The following ARMH4 variants were observed in gnomAD, a reference collection of about 807,000 sequenced individuals.
ARMH4 encodes the protein armadillo like helical domain containing 4.
A neutral mutation model predicts 61.9 loss-of-function variants in ARMH4; 49 were observed. The ratio of observed to expected loss-of-function variants is 0.79; its 90% CI spans 0.63 to 1.00. The LOEUF is 1.00. Among genes scored for constraint, ARMH4 ranks in the 50% least tolerant of loss-of-function variants. ARMH4 has a pLI of 0.00. For missense variants in ARMH4, 934 were observed against 930.0 expected (o/e 1.00, Z -0.06); for synonymous variants, 368 against 341.5 (o/e 1.08, Z -0.85).
chr14:58,140,130 G>T (rs978170843), intron 1 of ARMH4, among the ~76,000 whole-genome samples: 7 of 149,894 alleles, frequency 4.7e-5, no homozygotes, highest in African/African-American at 1.7e-4. Context: ...TTAGCTGGGA[G>T]TGGGAGTGGG....
At chr14:58,078,457 A>T (rs893549519) in intron 5 of ARMH4, among the ~76,000 whole-genome samples, 6 of 152,268 alleles carry the variant, frequency 3.9e-5, no homozygotes, top group Middle Eastern at 3.4e-3. Flanking sequence ...CCTCTGCTTC[A>T]TTGGGATAAA....
At chr14:58,045,026 G>C (rs960476297) in intron 5 of ARMH4, among the ~76,000 whole-genome samples, 7 of 152,128 alleles carry the variant, frequency 4.6e-5, no homozygotes, top group African/African-American at 1.7e-4. Flanking sequence ...ACTGTAAACT[G>C]GTTCAACCAT....
intron 1 of ARMH4, among the ~76,000 whole-genome samples, chr14:58,149,354 C>G (rs142213360): frequency 3.9e-5 from 6 of 152,274 alleles, no homozygotes; most frequent in Non-Finnish European, 7.3e-5. Flanking sequence ...GACAAACAAT[C>G]CTTTCAGCAG....
intron 5 of ARMH4, among the ~76,000 whole-genome samples, chr14:58,050,182 C>T (rs953571829): frequency 3.9e-5 from 6 of 152,320 alleles, no homozygotes; most frequent in South Asian, 4.1e-4. Flanking sequence ...TACCTCTGTG[C>T]GTTGCTCTTT....
chr14:58,072,537 C>T (rs1003055316), intron 5 of ARMH4, among the ~76,000 whole-genome samples: 7 of 151,812 alleles, frequency 4.6e-5, no homozygotes, highest in Non-Finnish European at 1.0e-4. Context: ...TGGCCAACGT[C>T]GTGAAACCCC....
chr14:58,009,891 C>T (rs115852128), intron 6 of ARMH4, among the ~76,000 whole-genome samples: 4 of 148,712 alleles, frequency 2.7e-5, no homozygotes, highest in Admixed American at 2.0e-4. Context: ...GGGGTGGGGG[C>T]GGATTGGCTA....
chr14:58,034,427 C>T (rs1373812797), intron 5 of ARMH4, among the ~76,000 whole-genome samples: 2,439 of 121,804 alleles, frequency 0.02, 280 homozygotes, highest in African/African-American at 0.072. Context: ...AAGGAACAAC[C>T]GGTACCAGCT....
chr14:58,010,883 T>G (rs1025443343), intron 6 of ARMH4, among the ~76,000 whole-genome samples: 1 of 152,006 alleles, frequency 6.6e-6, no homozygotes, highest in Non-Finnish European at 1.5e-5. Context: ...ATACTTTCTA[T>G]GGAAACAATG....
At chr14:58,116,446 A>G in intron 4 of ARMH4, 2 of 378,030 alleles carry the variant, frequency 5.3e-6, no homozygotes, top group South Asian at 2.0e-5. Flanking sequence ...AGGCCGAGGC[A>G]GGCAGACTTC....
In ARMH4 at chr14:58,057,109, G is replaced by A. The variant is rs74057618; in HGVS notation, c.2089+39615C>T. The stretch of plus-strand genomic sequence containing the variant: ...GAATGCTTACCTCACACTTTTATCT[G>A]AGAAAAAAAATAAACTTCTCTCTTC... On this transcript the variant is annotated intron_variant, in intron 5 of 7. Transcript: ENST00000267485. 7.7e-3 allele frequency among the ~76,000 whole-genome samples: 1,164 copies of A among 152,046 alleles called. 16 individuals are homozygous for A. The highest frequency in any genetic ancestry group is 0.027 in the African/African-American group (1,123 of 41,486).
intron 5 of ARMH4, among the ~76,000 whole-genome samples, chr14:58,029,903 C>T (rs557215055): frequency 5.3e-5 from 8 of 152,160 alleles, no homozygotes; most frequent in South Asian, 2.1e-4. Flanking sequence ...TACGTGTACA[C>T]GAATGTTCAT....
chr14:58,144,572 A>T (rs1887672444), intron 1 of ARMH4, among the ~76,000 whole-genome samples: 1 of 152,034 alleles, frequency 6.6e-6, no homozygotes, highest in Non-Finnish European at 1.5e-5. Context: ...CAACAACAAC[A>T]ACAAAACATA....
intron 5 of ARMH4, among the ~76,000 whole-genome samples, chr14:58,051,547 T>A (rs1884143410): frequency 6.6e-6 from 1 of 152,216 alleles, no homozygotes. Context: ...GTACTTGCAC[T>A]TGAATAACCA....
At chr14:58,031,320 C>T (rs1041467643) in intron 5 of ARMH4, among the ~76,000 whole-genome samples, 5 of 152,186 alleles carry the variant, frequency 3.3e-5, no homozygotes, top group Admixed American at 6.5e-5. Context: ...AATTAGCCAT[C>T]AACCAAAATG....
intron 5 of ARMH4, among the ~76,000 whole-genome samples, chr14:58,041,793 A>C (rs1883715036): frequency 6.6e-6 from 1 of 152,222 alleles, no homozygotes; most frequent in African/African-American, 2.4e-5. Flanking sequence ...AGGGGTTGCA[A>C]TCCTAGTCTC....
Position 58,138,555 on chromosome 14 carries a change from A to G in ARMH4, c.804T>C (p.Ala268=), listed in dbSNP as rs1004238768. The stretch of plus-strand genomic sequence containing the variant: ...AAGTTTCGAGTGGTTGCTTGGTGGC[A>G]GCAGCCTGGGTGTTATCAGCTGTCA... The part of the protein sequence containing the change: ...SQMTADNTQA[A]ATKQPLETSE... Residue 268 remains alanine (A), a synonymous_variant, in exon 2 of 8, where the codon GCT becomes GCC. Transcript: ENST00000267485. The G allele has an allele frequency of 6.2e-7, 1 of 1,614,208 alleles. No homozygotes were observed. Among genetic ancestry groups the G allele is most frequent in the South Asian group, 1.1e-5 (1 of 91,080 alleles).
At chr14:58,082,415 A>G (rs1199350638) in intron 5 of ARMH4, among the ~76,000 whole-genome samples, 5 of 152,216 alleles carry the variant, frequency 3.3e-5, no homozygotes, top group Admixed American at 6.5e-5. Flanking sequence ...CTTTGCACAC[A>G]TAGATCTATC....
intron 5 of ARMH4, among the ~76,000 whole-genome samples, chr14:58,049,049 A>G (rs1397003028): frequency 6.6e-6 from 1 of 152,080 alleles, no homozygotes; most frequent in Non-Finnish European, 1.5e-5. Flanking sequence ...CATCCTGGCT[A>G]ACATGGTGAA....
chr14:58,096,531 T>G (rs766874465), intron 5 of ARMH4, among the ~76,000 whole-genome samples, 193 bp downstream of exon 5: 1 of 152,212 alleles, frequency 6.6e-6, no homozygotes, highest in African/African-American at 2.4e-5. Context: ...TGATCATTTT[T>G]AATTTTTAAT....
Sources: allele counts gnomAD v4.1 joint callset (sites outside exome capture counted in the v4.1 genomes callset), GRCh38; gene constraint gnomAD v4.1.1; transcripts MANE v1.5; gene names NCBI Gene and HGNC (gene_info 2026-07-23, HGNC 2026-07-21).